The following GRIP1 variants were observed in gnomAD, a reference collection of about 807,000 sequenced individuals.
GRIP1 encodes the protein glutamate receptor interacting protein 1, also known as glutamate receptor-interacting protein 1.
Under a neutral mutation model 129.9 loss-of-function variants are expected in GRIP1, and 45 were observed. The observed-to-expected ratio is 0.35, with a 90% CI of 0.27 to 0.44. The LOEUF is 0.44. GRIP1 is among the 20% of genes least tolerant of loss of function. The pLI is 1.00. For missense variants in GRIP1, 1,196 were observed against 1,396.8 expected (o/e 0.86, Z 2.29); for synonymous variants, 530 against 520.8 (o/e 1.02, Z -0.24).
chr12:66,546,227 T>C (rs2061941324), intron 2 of GRIP1, among the ~76,000 whole-genome samples: 1 of 152,138 alleles, frequency 6.6e-6, no homozygotes, highest in South Asian at 2.1e-4. Flanking sequence ...CAGTGGCTCA[T>C]GCCTATAATT....
At chr12:66,610,974 C>T (rs1025842634) in intron 1 of GRIP1, among the ~76,000 whole-genome samples, 1 of 152,198 alleles carries the variant, frequency 6.6e-6, no homozygotes, top group Non-Finnish European at 1.5e-5. Flanking sequence ...CATTTCTCCA[C>T]TGTATAACTA....
At chr12:66,940,650 C>A (rs1262468119) in intron 1 of GRIP1, among the ~76,000 whole-genome samples, 1 of 152,174 alleles carries the variant, frequency 6.6e-6, no homozygotes, top group African/African-American at 2.4e-5. Flanking sequence ...TTAATCCAAG[C>A]TACTTGAATG....
intron 1 of GRIP1, among the ~76,000 whole-genome samples, chr12:66,599,812 T>C (rs1466919237): frequency 2.0e-5 from 3 of 152,208 alleles, no homozygotes; most frequent in Non-Finnish European, 2.9e-5. Flanking sequence ...TCATTATAAA[T>C]GGAACTAAGG....
intron 1 of GRIP1, among the ~76,000 whole-genome samples, chr12:66,814,995 G>A (rs535225100): frequency 1.6e-4 from 24 of 152,276 alleles, no homozygotes; most frequent in African/African-American, 5.1e-4. Context: ...TGGTCCTGCG[G>A]TTGACAAATA....
intron 1 of GRIP1, among the ~76,000 whole-genome samples, chr12:67,003,715 T>A (rs1244222450): frequency 1.4e-4 from 21 of 151,122 alleles, no homozygotes; most frequent in Admixed American, 4.6e-4. Flanking sequence ...AATAAATAAA[T>A]AAAAATAAAT....
intron 1 of GRIP1, among the ~76,000 whole-genome samples, chr12:66,724,532 C>A (rs1008551034): frequency 6.6e-6 from 1 of 152,190 alleles, no homozygotes; most frequent in African/African-American, 2.4e-5. Context: ...TAAAAACTGA[C>A]CTCCTCTTGC....
intron 11 of GRIP1, among the ~76,000 whole-genome samples, chr12:66,450,600 T>C (rs141294551): frequency 0.034 from 5,111 of 151,748 alleles, 138 homozygotes; most frequent in Non-Finnish European, 0.052. Context: ...ATGTATTATG[T>C]ATTGGTTTTA....
At chr12:66,734,777 T>C (rs570903324) in intron 1 of GRIP1, among the ~76,000 whole-genome samples, 76 of 152,184 alleles carry the variant, frequency 5.0e-4, no homozygotes, top group African/African-American at 1.8e-3. Context: ...GTTATAAAAA[T>C]GCAGCAAAAA....
At chr12:66,692,887 A>G (rs1005832814) in intron 1 of GRIP1, among the ~76,000 whole-genome samples, 1 of 152,216 alleles carries the variant, frequency 6.6e-6, no homozygotes, top group African/African-American at 2.4e-5. Context: ...GGATTATTAC[A>G]GAATTATTTC....
At chr12:66,606,952 C>T (rs7955693) in intron 1 of GRIP1, among the ~76,000 whole-genome samples, 37,237 of 151,966 alleles carry the variant, frequency 0.25, 4,925 homozygotes, top group African/African-American at 0.34. Flanking sequence ...TTAGCCACCA[C>T]GATACACTGT....
chr12:66,418,121 A>G (rs1378107037), intron 15 of GRIP1, among the ~76,000 whole-genome samples: 1 of 152,216 alleles, frequency 6.6e-6, no homozygotes, highest in African/African-American at 2.4e-5. Flanking sequence ...TAGAGAACCC[A>G]GAAACAAATC....
chr12:66,658,580 CAAAA>C (rs112976977), intron 1 of GRIP1, among the ~76,000 whole-genome samples: 1 of 124,940 alleles, frequency 8.0e-6, no homozygotes, highest in Non-Finnish European at 1.7e-5. Flanking sequence ...GACTCCATCT[CAAAA>C]AAAAAAAAGA....
intron 22 of GRIP1, among the ~76,000 whole-genome samples, chr12:66,375,031 CTCTA>C (rs1219482672): frequency 6.6e-6 from 1 of 152,102 alleles, no homozygotes; most frequent in East Asian, 1.9e-4. Context: ...GCCTAGAGTT[CTCTA>C]TCTGACATTT....
intron 1 of GRIP1, among the ~76,000 whole-genome samples, chr12:67,015,910 G>A (rs1220488290): frequency 2.0e-5 from 3 of 152,198 alleles, no homozygotes; most frequent in African/African-American, 7.2e-5. Context: ...TGGCCCTGCT[G>A]GTTAATGACA....
intron 20 of GRIP1, among the ~76,000 whole-genome samples, chr12:66,378,965 T>A (rs559448519): frequency 2.2e-4 from 33 of 151,476 alleles, no homozygotes; most frequent in Non-Finnish European, 2.7e-4. Context: ...AAAAAATAAA[T>A]AAATAAAATA....
At chr12:66,479,352 T>A (rs913163591) in intron 7 of GRIP1, among the ~76,000 whole-genome samples, 58 of 152,172 alleles carry the variant, frequency 3.8e-4, no homozygotes, top group African/African-American at 1.3e-3. Context: ...ATATATACCC[T>A]CCCAAGACTA....
At chr12:66,524,706 C>CA (rs1223167284) in intron 5 of GRIP1, among the ~76,000 whole-genome samples, 2 of 152,100 alleles carry the variant, frequency 1.3e-5, no homozygotes, top group South Asian at 2.1e-4. Context: ...AATAGAGACA[C>CA]AAAAAACTCT....
At chr12:66,998,340 A>C (rs1311560605) in intron 1 of GRIP1, among the ~76,000 whole-genome samples, 1 of 152,160 alleles carries the variant, frequency 6.6e-6, no homozygotes, top group Non-Finnish European at 1.5e-5. Flanking sequence ...GGAAGTTGGA[A>C]TTTCTGTTTG....
At chr12:66,408,829 C>G (rs1268205279) in intron 15 of GRIP1, among the ~76,000 whole-genome samples, 3 of 152,122 alleles carry the variant, frequency 2.0e-5, no homozygotes, top group Non-Finnish European at 4.4e-5. Flanking sequence ...GCCCTGGCAG[C>G]ATTCGCCACA....
Sources: gnomAD v4.1 joint callset for allele counts (sites outside exome capture counted in the v4.1 genomes callset) on GRCh38, gnomAD v4.1.1 for gene constraint, MANE v1.5 for transcripts, NCBI Gene and HGNC (gene_info 2026-07-23, HGNC 2026-07-21) for gene names.